The following PCCA variants were observed in gnomAD, a reference collection of about 807,000 sequenced individuals.
PCCA encodes the protein propionyl-CoA carboxylase subunit alpha.
A neutral mutation model predicts 101.3 loss-of-function variants in PCCA; 74 were observed. The observed-to-expected ratio is 0.73, with a 90% CI of 0.61 to 0.89. The LOEUF is 0.89. PCCA is among the 40% of genes least tolerant of loss of function. The pLI, the probability that PCCA is intolerant of heterozygous loss-of-function variation, is 0.00. For missense variants in PCCA, 891 were observed against 907.0 expected (o/e 0.98, Z 0.23); for synonymous variants, 294 against 313.6 (o/e 0.94, Z 0.66).
intron 19 of PCCA, among the ~76,000 whole-genome samples, chr13:100,409,915 A>G (rs1230372317): frequency 6.6e-6 from 1 of 152,074 alleles, no homozygotes; most frequent in Non-Finnish European, 1.5e-5. Context: ...GCATGCCACC[A>G]TGCCCAGCTA....
intron 6 of PCCA, among the ~76,000 whole-genome samples, chr13:100,178,943 G>A (rs1039293189): frequency 1.6e-4 from 24 of 151,830 alleles, no homozygotes; most frequent in Non-Finnish European, 2.5e-4. Context: ...TGGGCGTGGT[G>A]GCAGGCGCCT....
chr13:100,530,216 G>A lies in PCCA; in HGVS notation c.*50G>A, dbSNP rs780394721. 2.4e-5 allele frequency: 33 copies of A among 1,388,878 alleles called. No individual in the cohort carries two copies. Among genetic ancestry groups the A allele is most frequent in the Non-Finnish European group, 3.4e-5 (33 of 975,808 alleles). The allele number at this position is 1,388,878 out of a possible 1,614,324, so 86.0% of individuals were successfully genotyped here. Reference sequence around the variant, plus strand: ...ACCCAATTTAATTAGCCATTTGCATGATGCTTTCACACACAATTGATTCAA... The same window carrying A: ...ACCCAATTTAATTAGCCATTTGCATAATGCTTTCACACACAATTGATTCAA... On this transcript the variant is annotated 3_prime_UTR_variant, in exon 24 of 24. Coordinates refer to ENST00000376285, the MANE Select transcript of PCCA (RefSeq NM_000282.4).
intron 12 of PCCA, among the ~76,000 whole-genome samples, chr13:100,280,252 G>T (rs1329142746): frequency 6.7e-6 from 1 of 149,758 alleles, no homozygotes; most frequent in Non-Finnish European, 1.5e-5. Context: ...TAAGTCACTG[G>T]TTTTCTGTTG....
intron 22 of PCCA, among the ~76,000 whole-genome samples, chr13:100,523,471 C>G (rs1054782048): frequency 3.9e-5 from 6 of 152,120 alleles, no homozygotes; most frequent in African/African-American, 1.4e-4. Context: ...GGATTTGATT[C>G]CCATCACTCA....
intron 4 of PCCA, among the ~76,000 whole-genome samples, chr13:100,128,822 T>C (rs1174950085): frequency 6.6e-6 from 1 of 152,214 alleles, no homozygotes; most frequent in African/African-American, 2.4e-5. Context: ...TAGTTTTCTC[T>C]CTACTTCTGT....
rs920325629 is a variant in PCCA at position 100,278,627 on chromosome 13, G to A, written c.1065+5281G>A. 9.9e-5 allele frequency among the ~76,000 whole-genome samples: 15 copies of A among 152,062 alleles called. No homozygotes were observed. The South Asian group carries it at 2.1e-3, about 21-fold the overall frequency. On this transcript the variant is annotated intron_variant, in intron 12 of 23. Transcript: ENST00000376285. ...CCAGAGTAGTTGGGACTATAGGTGCGTGCCACTACGCCCAGCTAATTTTTG... is the reference window on the plus strand; with the variant it reads ...CCAGAGTAGTTGGGACTATAGGTGCATGCCACTACGCCCAGCTAATTTTTG...
chr13:100,113,574 CTCTT>C (rs942986133), intron 4 of PCCA, among the ~76,000 whole-genome samples: 3 of 140,352 alleles, frequency 2.1e-5, no homozygotes, highest in Admixed American at 7.8e-5. Flanking sequence ...TACTCTTTGA[CTCTT>C]TCTTTTTTTT....
intron 15 of PCCA, among the ~76,000 whole-genome samples, chr13:100,308,554 G>C (rs2066647467): frequency 6.6e-6 from 1 of 151,136 alleles, no homozygotes; most frequent in African/African-American, 2.4e-5. Flanking sequence ...TCGAATACCT[G>C]AGCTCAAGCA....
chr13:100,204,198 C>T lies in PCCA; in HGVS notation c.469-5134C>T, dbSNP rs142243001. On this transcript the variant is annotated intron_variant, in intron 6 of 23. Coordinates refer to ENST00000376285, the MANE Select transcript of PCCA (RefSeq NM_000282.4). ...AGGCTGGAGTGCAGCGGTGCAGTCT[C>T]GGCTCACTGCAGCCTCTACCCGCTG... 1.1e-3 allele frequency among the ~76,000 whole-genome samples: 165 copies of T among 151,604 alleles called. 1 individual carries two copies. The East Asian group carries it at 0.021, about 19-fold the overall frequency.
At chr13:100,509,332 C>G (rs1424001278) in intron 21 of PCCA, among the ~76,000 whole-genome samples, 4 of 152,150 alleles carry the variant, frequency 2.6e-5, no homozygotes, top group Non-Finnish European at 5.9e-5. Flanking sequence ...CACTAATCTG[C>G]GCCTCAGTGT....
chr13:100,247,979 T>A (rs2152541942), intron 8 of PCCA, among the ~76,000 whole-genome samples: 1 of 152,334 alleles, frequency 6.6e-6, no homozygotes, highest in East Asian at 1.9e-4. Context: ...TGTTTTCAAG[T>A]CTAATTATGA....
intron 21 of PCCA, among the ~76,000 whole-genome samples, chr13:100,484,710 G>A (rs1421587448): frequency 6.6e-6 from 1 of 152,142 alleles, no homozygotes; most frequent in South Asian, 2.1e-4. Flanking sequence ...AGAAACTAAT[G>A]GAGCTCTGAA....
At chr13:100,343,944 G>A (rs1218752653) in intron 18 of PCCA, among the ~76,000 whole-genome samples, 3 of 152,078 alleles carry the variant, frequency 2.0e-5, no homozygotes, top group Non-Finnish European at 4.4e-5. Context: ...GCTTGGTGGC[G>A]CATGCCTGTA....
chr13:100,449,069 A>G (rs1453185617), intron 20 of PCCA, among the ~76,000 whole-genome samples, 183 bp from the exon 21 acceptor site: 1 of 152,226 alleles, frequency 6.6e-6, no homozygotes, highest in African/African-American at 2.4e-5. Context: ...ACCAACTTCT[A>G]TTGTAGCATG....
chr13:100,515,987 G>C (rs1025798047), intron 22 of PCCA, among the ~76,000 whole-genome samples: 5 of 152,240 alleles, frequency 3.3e-5, no homozygotes, highest in African/African-American at 1.2e-4. Context: ...AAGAGTTGAG[G>C]AAAGGTTAAT....
chr13:100,112,032 G>A lies in PCCA; in HGVS notation c.271G>A (p.Ala91Thr). The part of the protein sequence containing the change: ...TCKKMGIKTV[A>T]IHSDVDASSV... ...CAAGAAGATGGGCATTAAGACAGTT[G>A]CCATCCACAGTGATGTTGATGCTAG... The change falls in exon 4 of 24, where the codon GCC (alanine) becomes ACC (threonine). Residue 91 changes from alanine to threonine, a missense_variant. Transcript: ENST00000376285. 1.2e-6 allele frequency: 2 copies of A among 1,611,012 alleles called. No homozygotes were observed. Among genetic ancestry groups the A allele is most frequent in the Non-Finnish European group, 1.7e-6 (2 of 1,178,774 alleles).
In PCCA at chr13:100,305,908, A is replaced by G. The variant is rs367731812; in HGVS notation, c.1285-1284A>G. 7.6e-4 allele frequency: 281 copies of G among 367,636 alleles called. 1 individual carries two copies. Among genetic ancestry groups the G allele is most frequent in the African/African-American group, 5.3e-3 (244 of 45,982 alleles). 22.8% of individuals were successfully genotyped at this position (367,636 alleles called of 1,614,324 possible). On this transcript the variant is annotated intron_variant, in intron 14 of 23. Coordinates refer to ENST00000376285, the MANE Select transcript of PCCA (RefSeq NM_000282.4). ...AATGTGAATACGAATACAGATATCT[A>G]TATTTTTGTTTGTGCTTGCAAATAC...
chr13:100,241,381 G>C (rs1268417737), intron 8 of PCCA, among the ~76,000 whole-genome samples: 1 of 152,100 alleles, frequency 6.6e-6, no homozygotes, highest in African/African-American at 2.4e-5. Context: ...CTTTCACACA[G>C]AATAGTGTTT....
intron 16 of PCCA, among the ~76,000 whole-genome samples, chr13:100,318,667 T>C (rs537075538): frequency 1.3e-5 from 2 of 152,196 alleles, no homozygotes; most frequent in South Asian, 2.1e-4. Flanking sequence ...GAACTCATCA[T>C]TTTTTACGGC....
Sources: gnomAD v4.1 joint callset for allele counts (sites outside exome capture counted in the v4.1 genomes callset) on GRCh38, gnomAD v4.1.1 for gene constraint, MANE v1.5 for transcripts, NCBI Gene and HGNC (gene_info 2026-07-23, HGNC 2026-07-21) for gene names.